Variants in MSI2 observed in about 807,000 individuals in gnomAD.
MSI2 encodes musashi RNA binding protein 2.
A neutral mutation model predicts 45.6 loss-of-function variants in MSI2; 17 were observed. The observed-to-expected ratio is 0.37, with a 90% CI of 0.26 to 0.56. The LOEUF (loss-of-function observed/expected upper bound fraction) is 0.56. MSI2 is among the 20% of genes least tolerant of loss of function. The pLI is 0.77. For missense variants in MSI2, 293 were observed against 444.2 expected, an observed-to-expected ratio of 0.66 and a Z score of 3.06; for synonymous variants, 156 against 158.2, an observed-to-expected ratio of 0.99 and a Z score of 0.11.
At chr17:57,666,317 A>G (rs545766626) in intron 11 of MSI2, among the ~76,000 whole-genome samples, 2 of 152,342 alleles carry the variant, frequency 1.3e-5, no homozygotes, top group East Asian at 3.9e-4. Context: ...CTTATCTGTA[A>G]CAGGGGTTAC....
intron 5 of MSI2, among the ~76,000 whole-genome samples, chr17:57,288,549 A>C (rs1460300405): frequency 6.6e-6 from 1 of 152,164 alleles, no homozygotes; most frequent in Non-Finnish European, 1.5e-5. Context: ...GCCTGAGAGC[A>C]GCGTGCACCG....
rs1567720102 is a variant in MSI2 at position 57,256,809 on chromosome 17, G to A, written c.62+5G>A. 6.8e-6 allele frequency: 10 copies of A among 1,462,038 alleles called. No individual in the cohort carries two copies. Among genetic ancestry groups the A allele is most frequent in the African/African-American group, 1.5e-5 (1 of 67,088 alleles). The allele number at this position is 1,462,038 out of a possible 1,614,324, so 90.6% of individuals were successfully genotyped here. ...CGACTCCCAGCACGACCCCGGGTAA[G>A]TTTCCAGCCGCTGCCCACCGCGCCG... On this transcript the variant is annotated splice_donor_5th_base_variant and intron_variant, in intron 1 of 13. Transcript: ENST00000284073.
chr17:57,293,595 G>GTTTTTTTTTTTTTGTTTTTTTTTTT (rs71139983), intron 5 of MSI2, among the ~76,000 whole-genome samples: 1 of 134,720 alleles, frequency 7.4e-6, no homozygotes, highest in Non-Finnish European at 1.5e-5. Context: ...TTGTTTTTTT[G>GTTTTTTTTTTTTTGTTTTTTTTTTT]TTTTTTTTTT....
At chr17:57,301,801 T>C (rs1911442387) in intron 5 of MSI2, among the ~76,000 whole-genome samples, 1 of 151,988 alleles carries the variant, frequency 6.6e-6, no homozygotes, top group African/African-American at 2.4e-5. Context: ...TCACCGTGAA[T>C]ATTCTTGTAT....
intron 5 of MSI2, chr17:57,268,159 C>A (rs1408884738): frequency 6.6e-6 from 1 of 152,224 alleles, no homozygotes; most frequent in Non-Finnish European, 1.5e-5. Flanking sequence ...GCTAGACATT[C>A]ACTCATTCAT....
At chr17:57,593,466 C>T (rs1282586989) in intron 7 of MSI2, among the ~76,000 whole-genome samples, 2 of 152,178 alleles carry the variant, frequency 1.3e-5, no homozygotes, top group Non-Finnish European at 2.9e-5. Flanking sequence ...CCACTCCATT[C>T]TCTGCCTACC....
chr17:57,280,476 C>T lies in MSI2; in HGVS notation c.312+18284C>T, dbSNP rs1293483961. 6.6e-6 allele frequency among the ~76,000 whole-genome samples: 1 copy of T among 152,034 alleles called. No homozygotes were observed. Among genetic ancestry groups the T allele is most frequent in the Non-Finnish European group, 1.5e-5 (1 of 68,004 alleles). ...GAGATGCATCTGAGAATTGGAGCAG[C>T]AGCTTGGTGGTTTGGTTAGTTGAGG... is the stretch of plus-strand genomic sequence containing the variant. On this transcript the variant is annotated intron_variant, in intron 5 of 13. Coordinates refer to ENST00000284073, the MANE Select transcript of MSI2 (RefSeq NM_138962.4). This position sits in a 1 kb window ranked among gnomAD's most constrained non-coding sequence, Gnocchi z 4.2.
chr17:57,649,685 C>A (rs556284881), intron 10 of MSI2, among the ~76,000 whole-genome samples: 2 of 152,214 alleles, frequency 1.3e-5, no homozygotes, highest in South Asian at 2.1e-4. Context: ...TCTGCCAGGT[C>A]ATATGGAAAA....
chr17:57,304,498 C>T (rs1911715568), intron 5 of MSI2, among the ~76,000 whole-genome samples: 1 of 149,332 alleles, frequency 6.7e-6, no homozygotes, highest in Admixed American at 6.6e-5. Context: ...TCTCGGCTCA[C>T]TGCAGCCTCC....
At chr17:57,613,560 T>G (rs1312054499) in intron 8 of MSI2, among the ~76,000 whole-genome samples, 1 of 152,188 alleles carries the variant, frequency 6.6e-6, no homozygotes, top group Non-Finnish European at 1.5e-5. Flanking sequence ...ATGTATAAAT[T>G]TATGGCTTTT....
At chr17:57,382,140 A>G (rs2083608390) in intron 5 of MSI2, among the ~76,000 whole-genome samples, 1 of 152,246 alleles carries the variant, frequency 6.6e-6, no homozygotes, top group Non-Finnish European at 1.5e-5. Context: ...TAGGATGGTC[A>G]TTCATTCATT....
chr17:57,367,093 A>G (rs1417219136), intron 5 of MSI2, among the ~76,000 whole-genome samples: 1 of 152,182 alleles, frequency 6.6e-6, no homozygotes, highest in Non-Finnish European at 1.5e-5. Context: ...AGTGATATCT[A>G]AATTAGACTT....
rs545447966 is a variant in MSI2, at chr17:57,612,336, G to A, written c.538-3634G>A. Among the ~76,000 whole-genome samples the A allele has an allele frequency of 3.2e-5, 3 of 94,238 alleles. 1 individual carries two copies. Among genetic ancestry groups the A allele is most frequent in the Non-Finnish European group, 5.1e-5 (2 of 39,318 alleles). The allele number at this position is 94,238 out of a possible 152,430, so 61.8% of individuals were successfully genotyped here. On this transcript the variant is annotated intron_variant, in intron 8 of 13. Transcript: ENST00000284073. Reference sequence around the variant, plus strand: ...AAGCCTAGCACTTGCCTGGCGTGTTGAGTTCCTCCGCATCTGCGTCATTGA... The same window carrying A: ...AAGCCTAGCACTTGCCTGGCGTGTTAAGTTCCTCCGCATCTGCGTCATTGA...
At chr17:57,610,346 G>A (rs1382471622) in intron 8 of MSI2, among the ~76,000 whole-genome samples, 1 of 152,128 alleles carries the variant, frequency 6.6e-6, no homozygotes, top group East Asian at 1.9e-4. Context: ...CAGCTACTCG[G>A]GAGACTGAGG....
At chr17:57,403,881 G>A (rs2084035937) in intron 6 of MSI2, among the ~76,000 whole-genome samples, 1 of 151,904 alleles carries the variant, frequency 6.6e-6, no homozygotes. Context: ...TTGACAGACT[G>A]CCTCTCCCCT....
In MSI2 at chr17:57,529,792, TC is replaced by T; in HGVS notation, c.454+71del. On this transcript the variant is annotated intron_variant, in intron 7 of 13. Coordinates refer to ENST00000284073, the MANE Select transcript of MSI2 (RefSeq NM_138962.4). The surrounding 1 kb of genome is among the most constrained non-coding windows in gnomAD (Gnocchi z 5.3). ...TGGCCTCTCTGTCTGTCATCCCCAG[TC>T]CCACTGACAAAAGATACAGTGAAGA... 7.6e-7 allele frequency: 1 copy of T among 1,310,890 alleles called. No homozygotes were observed. The highest frequency in any genetic ancestry group is 1.1e-6 in the Non-Finnish European group (1 of 927,464). 81.2% of individuals were successfully genotyped at this position (1,310,890 alleles called of 1,614,324 possible).
intron 7 of MSI2, among the ~76,000 whole-genome samples, chr17:57,583,484 G>GTTTTTTTTTTTTTTTTTTTTTTTTT (rs2088258122): frequency 1.2e-5 from 1 of 83,220 alleles, no homozygotes; most frequent in African/African-American, 5.0e-5. Flanking sequence ...TTCTCCCAAT[G>GTTTTTTTTTTTTTTTTTTTTTTTTT]TTTCTTTTTT....
intron 5 of MSI2, chr17:57,294,542 G>A (rs145950073): frequency 6.6e-6 from 1 of 152,266 alleles, no homozygotes; most frequent in Non-Finnish European, 1.5e-5. Context: ...GGAAGGTGAA[G>A]AAGTGAGTCT....
At chr17:57,268,530 C>T (rs2143251562) in intron 5 of MSI2, 1 of 142,342 alleles carries the variant, frequency 7.0e-6, no homozygotes, top group African/African-American at 2.8e-5. Flanking sequence ...GCATATTTTA[C>T]TAATAATTAA....
Sources: gnomAD v4.1 joint callset for allele counts (sites outside exome capture counted in the v4.1 genomes callset) on GRCh38, gnomAD v4.1.1 for gene constraint, Gnocchi (gnomAD v3.1) non-coding constraint, MANE v1.5 for transcripts, NCBI Gene and HGNC (gene_info 2026-07-23, HGNC 2026-07-21) for gene names.